Variants in FGF10 observed in about 807,000 individuals in gnomAD.
The protein encoded by FGF10 is FGF-10.
FGF10 carries 2 observed loss-of-function variants against 19.8 expected under a neutral mutation model. The observed-to-expected ratio is 0.10, with a 90% CI of 0.04 to 0.32. FGF10 has a LOEUF of 0.32. FGF10 is among the 10% of genes least tolerant of loss of function. The probability of loss-of-function intolerance (pLI) is 1.00; values close to 1 mark genes in which losing one functional copy is unlikely to be tolerated. For synonymous variants in FGF10, 112 were observed against 94.0 expected, an observed-to-expected ratio of 1.19 and a Z score of -1.10; for missense variants, 191 against 246.3, an observed-to-expected ratio of 0.78 and a Z score of 1.50.
At chr5:44,344,136 A>G (rs1741030603) in intron 1 of FGF10, among the ~76,000 whole-genome samples, 1 of 151,904 alleles carries the variant, frequency 6.6e-6, no homozygotes, top group South Asian at 2.1e-4. Context: ...ATCTGGTCAG[A>G]GTGCAAGCAA....
At chr5:44,370,806 G>A (rs1229138774) in intron 1 of FGF10, among the ~76,000 whole-genome samples, 2 of 152,028 alleles carry the variant, frequency 1.3e-5, no homozygotes, top group Admixed American at 1.3e-4. Flanking sequence ...TTCAAGTGAT[G>A]TAAACAAAGA....
intron 1 of FGF10, among the ~76,000 whole-genome samples, chr5:44,331,136 C>A (rs571056634): frequency 3.9e-5 from 6 of 152,134 alleles, no homozygotes; most frequent in East Asian, 3.9e-4. Context: ...TGAAAAATTT[C>A]TTTGGGAGCT....
chr5:44,323,294 C>A (rs1321461535), intron 1 of FGF10, among the ~76,000 whole-genome samples: 1 of 152,108 alleles, frequency 6.6e-6, no homozygotes, highest in Non-Finnish European at 1.5e-5. Flanking sequence ...AGCATGCAGC[C>A]AGTATTTTGT....
At chr5:44,377,191 A>G (rs1407512996) in intron 1 of FGF10, among the ~76,000 whole-genome samples, 1 of 151,964 alleles carries the variant, frequency 6.6e-6, no homozygotes, top group Non-Finnish European at 1.5e-5. Context: ...CCTCAGTGTG[A>G]CCTCCTGATG....
At chr5:44,312,540 C>T (rs1740237732) in intron 1 of FGF10, among the ~76,000 whole-genome samples, 1 of 152,074 alleles carries the variant, frequency 6.6e-6, no homozygotes. Flanking sequence ...TCTTTAATGA[C>T]TTAATGTGCT....
chr5:44,325,058 G>A (rs915797447), intron 1 of FGF10, among the ~76,000 whole-genome samples: 4 of 152,062 alleles, frequency 2.6e-5, no homozygotes, highest in Non-Finnish European at 5.9e-5. Flanking sequence ...ATCAAATTTA[G>A]TGTCATAATA....
intron 1 of FGF10, among the ~76,000 whole-genome samples, chr5:44,358,047 T>C (rs988703942): frequency 6.6e-5 from 10 of 151,448 alleles, no homozygotes; most frequent in Non-Finnish European, 1.2e-4. Flanking sequence ...AGGGCATTTC[T>C]GGATTAGCTT....
Position 44,300,543 on chromosome 5 carries a change from A to G in FGF10, c.*4452T>C, listed in dbSNP as rs968848995. On this transcript the variant is annotated 3_prime_UTR_variant, in exon 3 of 3. Transcript: ENST00000264664. ...AATGCAAATGTAATCTTTCAATGGT[A>G]AAGAACATATGAAAGAGAATGATCT... 1.3e-5 allele frequency among the ~76,000 whole-genome samples: 2 copies of G among 152,184 alleles called. No homozygotes were observed. The highest frequency in any genetic ancestry group is 2.9e-5 in the Non-Finnish European group (2 of 68,036).
intron 1 of FGF10, among the ~76,000 whole-genome samples, chr5:44,345,631 C>A (rs1211307194): frequency 2.9e-5 from 2 of 69,790 alleles, no homozygotes; most frequent in East Asian, 7.4e-4. Flanking sequence ...CCTTTCTCAG[C>A]TCAAAAAAAA....
At chr5:44,321,115 C>G (rs185045774) in intron 1 of FGF10, among the ~76,000 whole-genome samples, 4 of 152,294 alleles carry the variant, frequency 2.6e-5, no homozygotes, top group African/African-American at 9.6e-5. Flanking sequence ...ATTGCTACAG[C>G]TAAGAGACCC....
At chr5:44,372,406 T>G (rs1422246749) in intron 1 of FGF10, among the ~76,000 whole-genome samples, 1 of 152,162 alleles carries the variant, frequency 6.6e-6, no homozygotes, top group African/African-American at 2.4e-5. Context: ...ACTTGAATAA[T>G]CCAGGATAAT....
intron 1 of FGF10, among the ~76,000 whole-genome samples, chr5:44,374,868 T>G (rs1481551192): frequency 1.5e-5 from 2 of 129,436 alleles, no homozygotes; most frequent in African/African-American, 5.6e-5. Context: ...GAAAAATGAT[T>G]CACTTCATGA....
At chr5:44,322,026 G>A (rs1021947891) in intron 1 of FGF10, among the ~76,000 whole-genome samples, 1 of 152,182 alleles carries the variant, frequency 6.6e-6, no homozygotes, top group African/African-American at 2.4e-5. Context: ...GCCTCCCAAA[G>A]TGCTGGGATT....
At chr5:44,380,454 A>G (rs1001653632) in intron 1 of FGF10, among the ~76,000 whole-genome samples, 29 of 152,320 alleles carry the variant, frequency 1.9e-4, no homozygotes, top group African/African-American at 7.0e-4. Flanking sequence ...TAGTAAAGGC[A>G]TACGTATTTC....
rs989294841 is a variant in FGF10, at chr5:44,304,901, C to G, written c.*94G>C. On this transcript the variant is annotated 3_prime_UTR_variant, in exon 3 of 3. Coordinates refer to ENST00000264664, the MANE Select transcript of FGF10 (RefSeq NM_004465.2). ...AAGCAAGCAGACATCTGCAACGTGT[C>G]TTTGCCTTTCAATCTACTGTCTTCA... 1.5e-5 allele frequency: 19 copies of G among 1,296,312 alleles called. No individual in the cohort carries two copies. Among genetic ancestry groups the G allele is most frequent in the Non-Finnish European group, 1.8e-5 (16 of 892,656 alleles). The allele number at this position is 1,296,312 out of a possible 1,614,324, so 80.3% of individuals were successfully genotyped here.
chr5:44,362,818 T>C (rs339504), intron 1 of FGF10, among the ~76,000 whole-genome samples: 151,123 of 151,658 alleles, frequency 1, 75,299 homozygotes, highest in Middle Eastern at 1. Context: ...GTTCCTACCC[T>C]AAACACTCAG....
chr5:44,364,762 C>T lies in FGF10; in HGVS notation c.325+23596G>A, dbSNP rs558914951. Among the ~76,000 whole-genome samples, 3 of 151,948 alleles carry T rather than the reference C, an allele frequency of 2.0e-5. No homozygotes were observed. In the South Asian group the frequency reaches 6.2e-4, roughly 31 times the overall value. ...ATAACATCATACATGTAAAATGATCCTGTAAACCAAATAAAGTATCAAAAT... is the reference window on the plus strand; with the variant it reads ...ATAACATCATACATGTAAAATGATCTTGTAAACCAAATAAAGTATCAAAAT... On this transcript the variant is annotated intron_variant, in intron 1 of 2. Coordinates refer to ENST00000264664, the MANE Select transcript of FGF10 (RefSeq NM_004465.2).
intron 1 of FGF10, among the ~76,000 whole-genome samples, chr5:44,369,383 G>C (rs1741693876): frequency 6.6e-6 from 1 of 152,056 alleles, no homozygotes; most frequent in Non-Finnish European, 1.5e-5. Context: ...TGGAGGCTGG[G>C]CTGCAAATTC....
At position 44,300,976 on chromosome 5, in the gene FGF10, C is replaced by G. The variant is rs1185739219; in HGVS notation, c.*4019G>C. Among the ~76,000 whole-genome samples the G allele has an allele frequency of 6.6e-6, 1 of 152,060 alleles. No individual in the cohort carries two copies. Among genetic ancestry groups the G allele is most frequent in the Non-Finnish European group, 1.5e-5 (1 of 68,012 alleles). ...AGGAAAGAAGTAGACTAGAAGCAAT[C>G]TGGCCTAACCAAATAAAACCAATGA... On this transcript the variant is annotated 3_prime_UTR_variant, in exon 3 of 3. Transcript: ENST00000264664.
Sources: allele counts gnomAD v4.1 joint callset (sites outside exome capture counted in the v4.1 genomes callset), GRCh38; gene constraint gnomAD v4.1.1; transcripts MANE v1.5; gene names NCBI Gene and HGNC (gene_info 2026-07-23, HGNC 2026-07-21).